CCDC152: variants seen among roughly 807,000 people sequenced by gnomAD.
CCDC152 encodes the protein coiled-coil domain-containing protein 152.
Under a neutral mutation model 38.1 loss-of-function variants are expected in CCDC152, and 37 were observed. That is an observed-to-expected ratio of 0.97 (90% CI 0.75 to 1.28). The LOEUF is 1.28. CCDC152 is among the 50% of genes most tolerant of loss of function. The pLI is 0.00. For synonymous variants in CCDC152, 83 were observed against 87.1 expected, an observed-to-expected ratio of 0.95 and a Z score of 0.26; for missense variants, 259 against 292.1, an observed-to-expected ratio of 0.89 and a Z score of 0.83.
chr5:42,766,702 A>G lies in CCDC152; in HGVS notation c.194-2895A>G, dbSNP rs2910861. Among the ~76,000 whole-genome samples the G allele has an allele frequency of 2.1e-3, 318 of 152,306 alleles. 2 individuals carry two copies. Among genetic ancestry groups the G allele is most frequent in the African/African-American group, 7.2e-3 (300 of 41,578 alleles). On this transcript the variant is annotated intron_variant, in intron 3 of 8. Transcript: ENST00000361970. ...TATGTTCTCATTTATGGGATCTAAA[A>G]GTCAAAACAATTAAACTCATGGACA...
At chr5:42,758,187 G>A (rs1166892049) in intron 1 of CCDC152, among the ~76,000 whole-genome samples, 2 of 152,118 alleles carry the variant, frequency 1.3e-5, no homozygotes, top group Middle Eastern at 3.2e-3. Flanking sequence ...ATTAATAATT[G>A]CTAATGCAAA....
intron 6 of CCDC152, among the ~76,000 whole-genome samples, chr5:42,792,991 C>T (rs1210573395): frequency 6.6e-6 from 1 of 152,178 alleles, no homozygotes; most frequent in African/African-American, 2.4e-5. Flanking sequence ...TACCCAAAGA[C>T]CTGTTTGTGA....
At chr5:42,798,051 T>A (rs1760100069) in intron 7 of CCDC152, among the ~76,000 whole-genome samples, 1 of 152,266 alleles carries the variant, frequency 6.6e-6, no homozygotes, top group East Asian at 1.9e-4. Context: ...CTCAGGAGGC[T>A]GAGGCAGGAG....
chr5:42,770,846 T>A (rs1034881340), intron 4 of CCDC152, among the ~76,000 whole-genome samples: 1 of 152,186 alleles, frequency 6.6e-6, no homozygotes, highest in African/African-American at 2.4e-5. Context: ...GTGTACAAGA[T>A]TCTCACCTTC....
At chr5:42,762,184 A>C (rs1372889477) in intron 2 of CCDC152, among the ~76,000 whole-genome samples, 1 of 152,244 alleles carries the variant, frequency 6.6e-6, no homozygotes, top group Non-Finnish European at 1.5e-5. Flanking sequence ...TAGAAAAGGT[A>C]CAGTAAAAAT....
chr5:42,762,807 T>C (rs944226563), intron 3 of CCDC152, among the ~76,000 whole-genome samples: 1 of 152,062 alleles, frequency 6.6e-6, no homozygotes. Context: ...CTGAGGCCAA[T>C]AAGAAATGGC....
chr5:42,796,188 A>G (rs1271537013), intron 6 of CCDC152, among the ~76,000 whole-genome samples: 2 of 151,762 alleles, frequency 1.3e-5, no homozygotes, highest in Admixed American at 6.6e-5. Flanking sequence ...ACATGTATAC[A>G]TATGTAACTA....
At chr5:42,771,399 T>A (rs1340509982) in intron 4 of CCDC152, among the ~76,000 whole-genome samples, 1 of 151,574 alleles carries the variant, frequency 6.6e-6, no homozygotes, top group Non-Finnish European at 1.5e-5. Context: ...CCAAAGGTAC[T>A]CAAAGGAAAG....
rs1760204064 is a variant in CCDC152 at position 42,801,578 on chromosome 5, G to T, written c.*1797G>T. Reference sequence around the variant, plus strand: ...AAGCAAATGAAGTAAACTGGCAAAAGGAACTTGGATTGCAGGAAAGTCAAA... The same window carrying T: ...AAGCAAATGAAGTAAACTGGCAAAATGAACTTGGATTGCAGGAAAGTCAAA... On this transcript the variant is annotated 3_prime_UTR_variant, in exon 9 of 9. Coordinates refer to ENST00000361970, the MANE Select transcript of CCDC152 (RefSeq NM_001134848.2). 1 of 453,934 alleles carries T rather than the reference G, an allele frequency of 2.2e-6. No individual in the cohort carries two copies. Among genetic ancestry groups the T allele is most frequent in the Admixed American group, 3.9e-5 (1 of 25,500 alleles). The allele number at this position is 453,934 out of a possible 1,614,324, so 28.1% of individuals were successfully genotyped here.
chr5:42,785,944 C>T (rs954553677), intron 6 of CCDC152, among the ~76,000 whole-genome samples: 1 of 152,106 alleles, frequency 6.6e-6, no homozygotes, highest in South Asian at 2.1e-4. Flanking sequence ...TTGCATATAT[C>T]GAACCATCCT....
intron 6 of CCDC152, among the ~76,000 whole-genome samples, chr5:42,784,676 G>A (rs879559484): frequency 3.3e-5 from 5 of 151,964 alleles, no homozygotes; most frequent in Non-Finnish European, 7.4e-5. Flanking sequence ...TCTTTGCCTA[G>A]GCCAATGTCC....
At position 42,800,641 on chromosome 5, in the gene CCDC152, C is replaced by G. The variant is rs1328665319; in HGVS notation, c.*860C>G. ...AAATCTAATTTCTATTTTTGGTTCA[C>G]TAATTTGGTAGTTTATAAAAATGCT... On this transcript the variant is annotated 3_prime_UTR_variant, in exon 9 of 9. Transcript: ENST00000361970. 5 of 1,468,290 alleles carry G rather than the reference C, an allele frequency of 3.4e-6. No homozygotes were observed. The highest frequency in any genetic ancestry group is 4.6e-6 in the Non-Finnish European group (5 of 1,097,302). The allele number at this position is 1,468,290 out of a possible 1,614,324, so 91.0% of individuals were successfully genotyped here.
chr5:42,757,739 G>GT (rs1759499670), intron 1 of CCDC152, among the ~76,000 whole-genome samples: 1 of 152,184 alleles, frequency 6.6e-6, no homozygotes, highest in Non-Finnish European at 1.5e-5. Context: ...ATTAGTGATG[G>GT]TTTTACAAGG....
chr5:42,794,403 G>A (rs1049884263), intron 6 of CCDC152, among the ~76,000 whole-genome samples: 8 of 152,184 alleles, frequency 5.3e-5, no homozygotes, highest in Non-Finnish European at 7.3e-5. Context: ...AAAGAAATCT[G>A]TTGGGAGCTT....
At chr5:42,783,367 T>A in intron 5 of CCDC152, 107 bp from the exon 6 acceptor site, 1 of 358,164 alleles carries the variant, frequency 2.8e-6, no homozygotes. Flanking sequence ...GGAGAATTTT[T>A]AAAGTATTTA....
In CCDC152 at chr5:42,799,754, T is replaced by C; in HGVS notation, c.738T>C (p.Asp246=). Residue 246 remains aspartate (D), a synonymous_variant, in exon 9 of 9, where the codon GAT becomes GAC. Coordinates refer to ENST00000361970, the MANE Select transcript of CCDC152 (RefSeq NM_001134848.2). ...DLEQRLSVGK[D]SHLKRRRF The stretch of plus-strand genomic sequence containing the variant: ...AGCAACGCCTTTCTGTTGGCAAAGA[T>C]TCTCACCTTAAGCGTAGACGGTTTT... 9 of 1,551,324 alleles carry C rather than the reference T, an allele frequency of 5.8e-6. No homozygotes were observed. The highest frequency in any genetic ancestry group is 7.8e-6 in the Non-Finnish European group (9 of 1,146,818).
chr5:42,795,003 A>C (rs1013357252), intron 6 of CCDC152, among the ~76,000 whole-genome samples: 4 of 152,158 alleles, frequency 2.6e-5, no homozygotes, highest in African/African-American at 9.7e-5. Context: ...AAAAGAGAGA[A>C]ATGAACATAA....
chr5:42,783,533 TA>T lies in CCDC152; in HGVS notation c.389del (p.Lys130ArgfsTer4). On this transcript the variant is annotated frameshift_variant, in exon 6 of 9. Coordinates refer to ENST00000361970, the MANE Select transcript of CCDC152 (RefSeq NM_001134848.2). LOFTEE classifies it high-confidence loss of function. ...AAATGAAAATCAAAGAGGAGGGATATAAGAAAGAAATAAGCAAACTTTATCA... is the reference window on the plus strand; with the variant it reads ...AAATGAAAATCAAAGAGGAGGGATATAGAAAGAAATAAGCAAACTTTATCA... ...SEMKIKEEGY[K>X]KEISKLYQDM... 7.2e-7 allele frequency: 1 copy of T among 1,392,780 alleles called. No homozygotes were observed. Among genetic ancestry groups the T allele is most frequent in the Non-Finnish European group, 9.4e-7 (1 of 1,061,948 alleles). The allele number at this position is 1,392,780 out of a possible 1,614,324, so 86.3% of individuals were successfully genotyped here.
At chr5:42,792,293 A>T (rs1002478550) in intron 6 of CCDC152, among the ~76,000 whole-genome samples, 34 of 152,288 alleles carry the variant, frequency 2.2e-4, no homozygotes, top group African/African-American at 7.7e-4. Context: ...TTGATGTTCC[A>T]TTACCAGAGG....
Sources: gnomAD v4.1 joint callset for allele counts (sites outside exome capture counted in the v4.1 genomes callset) on GRCh38, gnomAD v4.1.1 for gene constraint, MANE v1.5 for transcripts, NCBI Gene and HGNC (gene_info 2026-07-23, HGNC 2026-07-21) for gene names.